The following DIO1 variants were observed in gnomAD, a reference collection of about 807,000 sequenced individuals.
The protein encoded by DIO1 is type I iodothyronine deiodinase.
In DIO1, 17 loss-of-function variants were observed where a neutral mutation model predicts 25.9. That is an observed-to-expected ratio of 0.66 (90% confidence interval 0.45 to 0.98). DIO1 has a LOEUF of 0.98. Among genes scored for constraint, DIO1 ranks in the 50% least tolerant of loss-of-function variants. The pLI, the probability that DIO1 is intolerant of heterozygous loss-of-function variation, is 0.00. For synonymous variants in DIO1, 115 were observed against 114.0 expected, an observed-to-expected ratio of 1.01 and a Z score of -0.05; for missense variants, 270 against 310.4, an observed-to-expected ratio of 0.87 and a Z score of 0.98.
intron 1 of DIO1, among the ~76,000 whole-genome samples, chr1:53,902,626 A>G (rs1284343120): frequency 6.6e-6 from 1 of 151,710 alleles, no homozygotes; most frequent in Non-Finnish European, 1.5e-5. Flanking sequence ...CAATAAATGT[A>G]TGGTAAGGGC....
At position 53,909,979 on chromosome 1, in the gene DIO1, C is replaced by T; in HGVS notation, c.730C>T (p.Leu244=). The change falls in exon 4 of 4, where the codon CTG becomes TTG. Residue 244 remains leucine (L), a synonymous_variant. Coordinates refer to ENST00000361921, the MANE Select transcript of DIO1 (RefSeq NM_000792.7). ...NYNPEEVRAV[L]EKLHS ...CAACCCAGAGGAAGTTCGTGCTGTT[C>T]TGGAAAAGCTCCACAGTTAATCTGG... 7 of 1,614,150 alleles carry T rather than the reference C, an allele frequency of 4.3e-6. No individual in the cohort carries two copies. The highest frequency in any genetic ancestry group is 5.9e-6 in the Non-Finnish European group (7 of 1,180,008).
intron 3 of DIO1, among the ~76,000 whole-genome samples, chr1:53,908,932 A>T (rs1165872088): frequency 2.0e-5 from 3 of 151,932 alleles, no homozygotes; most frequent in African/African-American, 7.3e-5. Context: ...TCTCTACTAA[A>T]AGTACAAAAA....
chr1:53,907,049 G>C (rs940545544), intron 3 of DIO1, among the ~76,000 whole-genome samples: 1 of 152,222 alleles, frequency 6.6e-6, no homozygotes, highest in South Asian at 2.1e-4. Context: ...GCCCTTGATC[G>C]GGTGGGCCAG....
intron 1 of DIO1, among the ~76,000 whole-genome samples, chr1:53,896,755 T>C (rs193059995): frequency 1.9e-4 from 29 of 152,224 alleles, no homozygotes; most frequent in Admixed American, 3.3e-4. Context: ...GGGGAGGCTA[T>C]AAAAAAATAG....
rs755263720 is a variant in DIO1 at position 53,909,976 on chromosome 1, G to A, written c.727G>A (p.Val243Ile). The change falls in exon 4 of 4, where the codon GTT becomes ATT. Residue 243 changes from valine (V) to isoleucine (I), a missense_variant. Physicochemically the swap from Val to Ile is conservative, Grantham distance 29. Transcript: ENST00000361921. ...CTACAACCCAGAGGAAGTTCGTGCT[G>A]TTCTGGAAAAGCTCCACAGTTAATC... ...WNYNPEEVRA[V>I]LEKLHS 2 of 1,614,190 alleles carry A rather than the reference G, an allele frequency of 1.2e-6. No homozygotes were observed. The highest frequency in any genetic ancestry group is 2.2e-5 in the East Asian group (1 of 44,896).
intron 1 of DIO1, among the ~76,000 whole-genome samples, chr1:53,900,384 G>A (rs566456489): frequency 2.6e-5 from 4 of 152,060 alleles, no homozygotes; most frequent in Non-Finnish European, 5.9e-5. Context: ...CCGGTGAATC[G>A]CTTGAGGTCA....
In DIO1 at chr1:53,894,317, G is replaced by A; in HGVS notation, c.107G>A (p.Arg36Lys). 6.2e-7 allele frequency: 1 copy of A among 1,614,228 alleles called. No homozygotes were observed. Among genetic ancestry groups the A allele is most frequent in the Non-Finnish European group, 8.5e-7 (1 of 1,180,020 alleles). ...GTGCTTCTGATATTGTTTCCAGACA[G>A]AGTCAAGCGGAACATCCTGGCCATG... is the stretch of plus-strand genomic sequence containing the variant. ...GKVLLILFPDRVKRNILAMGE... is the reference protein window; with the variant it reads ...GKVLLILFPDKVKRNILAMGE... The change falls in exon 1 of 4, where the codon AGA becomes AAA. Residue 36 changes from arginine to lysine, a missense_variant. Coordinates refer to ENST00000361921, the MANE Select transcript of DIO1 (RefSeq NM_000792.7). The surrounding 1 kb of genome is among the most constrained non-coding windows in gnomAD (Gnocchi z 4.9).
At chr1:53,896,872 G>A (rs180871242) in intron 1 of DIO1, among the ~76,000 whole-genome samples, 2 of 152,354 alleles carry the variant, frequency 1.3e-5, no homozygotes, top group East Asian at 3.9e-4. Context: ...AAAGGGAAGA[G>A]TGTTTTAGAG....
intron 1 of DIO1, among the ~76,000 whole-genome samples, chr1:53,901,713 T>C (rs996825792): frequency 5.3e-5 from 8 of 151,732 alleles, no homozygotes; most frequent in African/African-American, 1.9e-4. Context: ...GAGTTAGGAG[T>C]TGGGCAGCCA....
At chr1:53,901,264 C>A (rs1405361004) in intron 1 of DIO1, among the ~76,000 whole-genome samples, 1 of 152,236 alleles carries the variant, frequency 6.6e-6, no homozygotes, top group East Asian at 1.9e-4. Flanking sequence ...CATGGCCCTA[C>A]TGTAGCAGTC....
chr1:53,906,749 C>T (rs1253405989), intron 3 of DIO1, among the ~76,000 whole-genome samples: 3 of 151,952 alleles, frequency 2.0e-5, no homozygotes, highest in South Asian at 2.1e-4. Context: ...CTCCACCTCC[C>T]GGGTTCAAGC....
intron 3 of DIO1, among the ~76,000 whole-genome samples, chr1:53,906,689 C>G: frequency 6.6e-6 from 1 of 151,444 alleles, no homozygotes; most frequent in East Asian, 1.9e-4. Flanking sequence ...CAGACTCTCA[C>G]TCTGTTGCCC....
At chr1:53,905,322 C>T (rs771813145) in intron 2 of DIO1, among the ~76,000 whole-genome samples, 13 of 152,024 alleles carry the variant, frequency 8.6e-5, no homozygotes, top group Middle Eastern at 6.8e-3. Context: ...TGCAGGCATA[C>T]GCCACCATGC....
chr1:53,898,551 C>A (rs1345398405), intron 1 of DIO1, among the ~76,000 whole-genome samples: 1 of 152,072 alleles, frequency 6.6e-6, no homozygotes, highest in Non-Finnish European at 1.5e-5. Context: ...TCGAGACCAG[C>A]CTGGCCAACC....
intron 1 of DIO1, among the ~76,000 whole-genome samples, chr1:53,898,944 T>C (rs1651221850): frequency 6.6e-6 from 1 of 152,152 alleles, no homozygotes; most frequent in Non-Finnish European, 1.5e-5. Flanking sequence ...ATGACTCGCT[T>C]AGAGTCACAC....
intron 2 of DIO1, among the ~76,000 whole-genome samples, chr1:53,905,204 T>A (rs1428425447): frequency 6.7e-6 from 1 of 149,480 alleles, no homozygotes; most frequent in Non-Finnish European, 1.5e-5. Context: ...GGTCTTGTTC[T>A]GTCGCCTGAG....
At chr1:53,905,032 A>G (rs1651578040) in intron 2 of DIO1, among the ~76,000 whole-genome samples, 1 of 152,198 alleles carries the variant, frequency 6.6e-6, no homozygotes, top group South Asian at 2.1e-4. Flanking sequence ...CTGGAGTGAC[A>G]GGGTCTGGCT....
intron 1 of DIO1, among the ~76,000 whole-genome samples, chr1:53,900,941 A>T (rs1415914963): frequency 7.2e-6 from 1 of 138,244 alleles, no homozygotes; most frequent in East Asian, 2.3e-4. Context: ...CAGCCTCTTG[A>T]GTAGCTGGGA....
chr1:53,906,040 T>C (rs1315751115), intron 2 of DIO1, 55 bp from the exon 3 acceptor site: 3 of 1,551,274 alleles, frequency 1.9e-6, no homozygotes, highest in Non-Finnish European at 2.7e-6. Context: ...CTATTTAGTC[T>C]GCAGGAAGTG....
Sources: allele counts gnomAD v4.1 joint callset (sites outside exome capture counted in the v4.1 genomes callset), GRCh38; gene constraint gnomAD v4.1.1; non-coding constraint Gnocchi (gnomAD v3.1); transcripts MANE v1.5; gene names NCBI Gene and HGNC (gene_info 2026-07-23, HGNC 2026-07-21).